The following DSCAM variants were observed in gnomAD, a reference collection of about 807,000 sequenced individuals.
DSCAM encodes the protein DS cell adhesion molecule.
Under a neutral mutation model 217.7 loss-of-function variants are expected in DSCAM, and 47 were observed. The observed-to-expected ratio is 0.22, with a 90% CI of 0.17 to 0.28. The LOEUF (loss-of-function observed/expected upper bound fraction) is 0.28, where lower values mean the gene tolerates loss of function less well. Ranked by LOEUF, DSCAM falls within the 10% of genes least tolerant of loss-of-function variation. The pLI is 1.00. For missense variants in DSCAM, 2,080 were observed against 2,618.3 expected, an observed-to-expected ratio of 0.79 and a Z score of 4.49; for synonymous variants, 1,056 against 1,015.3, an observed-to-expected ratio of 1.04 and a Z score of -0.76.
intron 3 of DSCAM, among the ~76,000 whole-genome samples, chr21:40,477,468 C>G (rs2075947071): frequency 6.6e-6 from 1 of 152,060 alleles, no homozygotes; most frequent in African/African-American, 2.4e-5. Flanking sequence ...ATTGAAGTTC[C>G]AAAGGACGTG....
chr21:40,199,289 T>C (rs1211727134), intron 11 of DSCAM, among the ~76,000 whole-genome samples: 2 of 152,196 alleles, frequency 1.3e-5, no homozygotes, highest in African/African-American at 2.4e-5. Context: ...ATGCTGAGAA[T>C]GATGACTTCC....
At chr21:40,022,897 G>A (rs961542629) in intron 32 of DSCAM, among the ~76,000 whole-genome samples, 22 of 151,098 alleles carry the variant, frequency 1.5e-4, no homozygotes, top group African/African-American at 4.9e-4. Flanking sequence ...ATTATTTTAA[G>A]TTTTAGGGTA....
chr21:40,122,030 A>T (rs183127935), intron 20 of DSCAM, among the ~76,000 whole-genome samples: 1 of 152,152 alleles, frequency 6.6e-6, no homozygotes, highest in East Asian at 1.9e-4. Flanking sequence ...TGTTGTTAAG[A>T]TCCTGGGCAG....
At chr21:40,645,059 G>C (rs1438103308) in intron 3 of DSCAM, among the ~76,000 whole-genome samples, 1 of 152,040 alleles carries the variant, frequency 6.6e-6, no homozygotes, top group Admixed American at 6.6e-5. Flanking sequence ...ACATACCGGG[G>C]GCTGCCAATC....
intron 25 of DSCAM, 50 bp from the exon 26 acceptor site, chr21:40,079,027 C>T (rs1014125768): frequency 1.3e-6 from 2 of 1,579,986 alleles, no homozygotes; most frequent in African/African-American, 1.3e-5. Flanking sequence ...ATGGGGAGGC[C>T]ATCAGCATCT....
At chr21:40,335,060 C>T (rs997310854) in intron 8 of DSCAM, among the ~76,000 whole-genome samples, 3 of 152,078 alleles carry the variant, frequency 2.0e-5, no homozygotes, top group South Asian at 2.1e-4. Flanking sequence ...CTCTAGACAC[C>T]GTGGTTGTAT....
At chr21:40,819,377 GC>G (rs1407950773) in intron 1 of DSCAM, among the ~76,000 whole-genome samples, 3 of 152,178 alleles carry the variant, frequency 2.0e-5, no homozygotes, top group Non-Finnish European at 4.4e-5. Context: ...GACAGTGGGG[GC>G]AGTCTATGTC....
chr21:40,566,214 G>A (rs1310376098), intron 3 of DSCAM, among the ~76,000 whole-genome samples: 3 of 152,090 alleles, frequency 2.0e-5, no homozygotes, highest in Non-Finnish European at 4.4e-5. Flanking sequence ...TTGACGCTCA[G>A]AAACGGCCAC....
chr21:40,113,902 G>C (rs1302149075), intron 20 of DSCAM, among the ~76,000 whole-genome samples: 1 of 151,832 alleles, frequency 6.6e-6, no homozygotes, highest in African/African-American at 2.4e-5. Flanking sequence ...ACTGCTCAAC[G>C]AAATAAAAGA....
intron 11 of DSCAM, among the ~76,000 whole-genome samples, chr21:40,275,630 T>G (rs1358728335): frequency 2.6e-5 from 4 of 152,232 alleles, no homozygotes; most frequent in African/African-American, 9.6e-5. Flanking sequence ...CGCTAGTCAC[T>G]TGATTTTAAA....
At chr21:40,797,769 T>C (rs1190354632) in intron 1 of DSCAM, among the ~76,000 whole-genome samples, 1 of 152,158 alleles carries the variant, frequency 6.6e-6, no homozygotes, top group Non-Finnish European at 1.5e-5. Flanking sequence ...CCAGAGCTTA[T>C]TCAGCTTCTT....
At chr21:40,485,484 C>T (rs1053588738) in intron 3 of DSCAM, among the ~76,000 whole-genome samples, 41 of 151,932 alleles carry the variant, frequency 2.7e-4, no homozygotes, top group African/African-American at 8.7e-4. Context: ...CCTCGTGATC[C>T]GCCCGCCTCG....
At chr21:40,718,792 T>G (rs1163354484) in intron 1 of DSCAM, among the ~76,000 whole-genome samples, 1 of 152,186 alleles carries the variant, frequency 6.6e-6, no homozygotes, top group Non-Finnish European at 1.5e-5. Context: ...AAATACATAA[T>G]GAACTCCTAC....
At chr21:40,748,733 T>C (rs1401097657) in intron 1 of DSCAM, among the ~76,000 whole-genome samples, 2 of 151,952 alleles carry the variant, frequency 1.3e-5, no homozygotes, top group Non-Finnish European at 2.9e-5. Flanking sequence ...GAAATAACAA[T>C]CCTAAAATTC....
At chr21:40,155,428 C>T (rs1367469454) in intron 16 of DSCAM, among the ~76,000 whole-genome samples, 2 of 152,194 alleles carry the variant, frequency 1.3e-5, no homozygotes, top group Admixed American at 1.3e-4. Flanking sequence ...CCACCACACA[C>T]GCCTGGAGGG....
chr21:40,079,077 G>T, intron 25 of DSCAM, 100 bp from the exon 26 acceptor site: 1 of 1,393,572 alleles, frequency 7.2e-7, no homozygotes, highest in Non-Finnish European at 9.7e-7. Context: ...AGCGAGGCCA[G>T]GAGCTCAGTC....
intron 3 of DSCAM, among the ~76,000 whole-genome samples, chr21:40,504,144 T>C (rs2076192016): frequency 6.6e-6 from 1 of 151,260 alleles, no homozygotes; most frequent in Admixed American, 6.6e-5. Context: ...CTTAGAACAT[T>C]GAAGGAAAGG....
At chr21:40,392,373 G>A (rs1412693614) in intron 3 of DSCAM, among the ~76,000 whole-genome samples, 1 of 151,942 alleles carries the variant, frequency 6.6e-6, no homozygotes, top group African/African-American at 2.4e-5. Flanking sequence ...CAGATCAGAG[G>A]TTCATCTATA....
Position 40,333,519 on chromosome 21 carries a change from C to A in DSCAM, c.1783+4582G>T, listed in dbSNP as rs568183333. Reference sequence around the variant, plus strand: ...ATCTAGGATTACAGGTGTGTGCCACCATGCCTGGCTAATTTTTGTATTTTT... The same window carrying A: ...ATCTAGGATTACAGGTGTGTGCCACAATGCCTGGCTAATTTTTGTATTTTT... On this transcript the variant is annotated intron_variant, in intron 8 of 32. Transcript: ENST00000400454. Among the ~76,000 whole-genome samples the A allele has an allele frequency of 9.9e-5, 15 of 152,244 alleles. No individual in the cohort carries two copies. The East Asian group carries it at 2.7e-3, about 27-fold the overall frequency.
Sources: allele counts gnomAD v4.1 joint callset (sites outside exome capture counted in the v4.1 genomes callset), GRCh38; gene constraint gnomAD v4.1.1; transcripts MANE v1.5; gene names NCBI Gene and HGNC (gene_info 2026-07-23, HGNC 2026-07-21).